PLEKHM3: variants seen among roughly 807,000 people sequenced by gnomAD.
PLEKHM3 encodes pleckstrin homology domain containing M3.
In PLEKHM3, 45 loss-of-function variants were observed where a neutral mutation model predicts 81.8. That is an observed-to-expected ratio of 0.55 (90% CI 0.43 to 0.71). The LOEUF is 0.71. Among genes scored for constraint, PLEKHM3 ranks in the 30% least tolerant of loss-of-function variants. The pLI is 0.00. For missense variants in PLEKHM3, 788 were observed against 924.3 expected, an observed-to-expected ratio of 0.85 and a Z score of 1.91; for synonymous variants, 352 against 356.4, an observed-to-expected ratio of 0.99 and a Z score of 0.14.
chr2:207,964,997 G>T (rs762000998), intron 3 of PLEKHM3, among the ~76,000 whole-genome samples: 108 of 152,138 alleles, frequency 7.1e-4, no homozygotes, highest in Admixed American at 1.1e-3. Flanking sequence ...TCCTTACCTA[G>T]TGGATATATT....
chr2:207,941,102 A>G (rs1689925709), intron 4 of PLEKHM3, among the ~76,000 whole-genome samples: 1 of 152,218 alleles, frequency 6.6e-6, no homozygotes, highest in South Asian at 2.1e-4. Context: ...ATATTAGAAA[A>G]GGACATAAGC....
chr2:207,943,830 T>C (rs1690027016), intron 4 of PLEKHM3, among the ~76,000 whole-genome samples: 1 of 125,040 alleles, frequency 8.0e-6, no homozygotes, highest in Non-Finnish European at 1.6e-5. Flanking sequence ...ATCCCGCCAC[T>C]GCACTCCAGC....
At chr2:208,009,050 C>T (rs771658232) in intron 1 of PLEKHM3, among the ~76,000 whole-genome samples, 2 of 152,168 alleles carry the variant, frequency 1.3e-5, no homozygotes, top group Admixed American at 6.5e-5. Context: ...TAAGTATTTG[C>T]TGAGTGCCTA....
At chr2:207,837,931 C>T (rs1388551412) in intron 7 of PLEKHM3, among the ~76,000 whole-genome samples, 6 of 150,820 alleles carry the variant, frequency 4.0e-5, no homozygotes, top group Non-Finnish European at 7.4e-5. Context: ...CCACCACGCC[C>T]GGCTAATTTT....
At chr2:207,977,627 T>C in intron 2 of PLEKHM3, 41 bp from the exon 3 acceptor site, 1 of 1,520,882 alleles carries the variant, frequency 6.6e-7, no homozygotes, top group Non-Finnish European at 8.9e-7. Flanking sequence ...TTAGAATTAG[T>C]TATAAGAAGG....
chr2:207,859,565 A>G (rs1298326794), intron 7 of PLEKHM3, among the ~76,000 whole-genome samples: 1 of 151,536 alleles, frequency 6.6e-6, no homozygotes, highest in Non-Finnish European at 1.5e-5. Context: ...TGCTGCTGCT[A>G]TGAACATTTG....
chr2:207,927,584 C>CTTTG (rs1689443309), intron 5 of PLEKHM3, among the ~76,000 whole-genome samples: 1 of 148,302 alleles, frequency 6.7e-6, no homozygotes, highest in African/African-American at 2.5e-5. Context: ...AATCCCAGCA[C>CTTTG]TTTGGGAGGC....
At chr2:207,978,697 A>C (rs1366095945) in intron 2 of PLEKHM3, among the ~76,000 whole-genome samples, 1 of 152,026 alleles carries the variant, frequency 6.6e-6, no homozygotes, top group African/African-American at 2.4e-5. Context: ...CTGAGCTTGC[A>C]ATGCTCCTTC....
At chr2:207,987,886 C>T (rs1691779527) in intron 2 of PLEKHM3, among the ~76,000 whole-genome samples, 1 of 152,166 alleles carries the variant, frequency 6.6e-6, no homozygotes, top group African/African-American at 2.4e-5. Flanking sequence ...TCTCAAGATC[C>T]TGTGGTCAGT....
chr2:207,942,774 C>CCACCA (rs1345198019), intron 4 of PLEKHM3, among the ~76,000 whole-genome samples: 1 of 152,116 alleles, frequency 6.6e-6, no homozygotes, highest in South Asian at 2.1e-4. Context: ...GTGGCATGTG[C>CCACCA]CTGTAGTTCC....
At chr2:207,979,407 G>A (rs1175731991) in intron 2 of PLEKHM3, among the ~76,000 whole-genome samples, 6 of 152,042 alleles carry the variant, frequency 3.9e-5, no homozygotes, top group African/African-American at 9.7e-5. Context: ...GGTGGCATGC[G>A]CCTGTAATCC....
At chr2:207,941,136 T>C (rs1574426704) in intron 4 of PLEKHM3, among the ~76,000 whole-genome samples, 1 of 152,314 alleles carries the variant, frequency 6.6e-6, no homozygotes, top group Non-Finnish European at 1.5e-5. Context: ...ACAATTTTCA[T>C]GTTTATTTTA....
At chr2:208,010,014 T>C (rs977412636) in intron 1 of PLEKHM3, among the ~76,000 whole-genome samples, 8 of 152,198 alleles carry the variant, frequency 5.3e-5, no homozygotes, top group African/African-American at 1.9e-4. Context: ...AGACCTTTTA[T>C]AGAAACCAAA....
chr2:207,923,985 T>C (rs959534763), intron 5 of PLEKHM3, among the ~76,000 whole-genome samples: 1 of 144,184 alleles, frequency 6.9e-6, no homozygotes, highest in Non-Finnish European at 1.5e-5. Flanking sequence ...CTGAGCTCAT[T>C]GCAACCTCCG....
At chr2:207,997,871 A>G (rs917044257) in intron 2 of PLEKHM3, among the ~76,000 whole-genome samples, 3 of 152,192 alleles carry the variant, frequency 2.0e-5, no homozygotes, top group African/African-American at 7.2e-5. Flanking sequence ...CATATTCCTC[A>G]GGAGAAACAA....
chr2:207,946,289 C>T, intron 4 of PLEKHM3, 78 bp downstream of exon 4: 1 of 1,487,776 alleles, frequency 6.7e-7, no homozygotes, highest in South Asian at 1.3e-5. Flanking sequence ...ATTGTTTGAT[C>T]ACCATCTTTA....
intron 5 of PLEKHM3, among the ~76,000 whole-genome samples, chr2:207,923,874 C>T (rs1386615021): frequency 1.8e-4 from 7 of 38,808 alleles, no homozygotes; most frequent in Non-Finnish European, 3.5e-4. Context: ...CACACACACA[C>T]ACACACATAT....
intron 6 of PLEKHM3, among the ~76,000 whole-genome samples, chr2:207,869,618 T>C (rs2092521880): frequency 6.6e-6 from 1 of 152,228 alleles, no homozygotes; most frequent in Non-Finnish European, 1.5e-5. Flanking sequence ...GGTCACTTTA[T>C]TGCCCTGTAA....
rs768089337 is a variant in PLEKHM3, at chr2:207,839,868, C to T, written c.2109-11372G>A. 1.5e-3 allele frequency among the ~76,000 whole-genome samples: 232 copies of T among 152,192 alleles called. 1 individual carries two copies. Among genetic ancestry groups the T allele is most frequent in the Non-Finnish European group, 2.4e-3 (160 of 68,008 alleles). On this transcript the variant is annotated intron_variant, in intron 7 of 7. Transcript: ENST00000427836. ...CTTGAGACTGGGAGGTCAAGGCTGC[C>T]GTGAGCCGTGATGGTGCCACTACAT...
Sources: gnomAD v4.1 joint callset for allele counts (sites outside exome capture counted in the v4.1 genomes callset) on GRCh38, gnomAD v4.1.1 for gene constraint, MANE v1.5 for transcripts, NCBI Gene and HGNC (gene_info 2026-07-23, HGNC 2026-07-21) for gene names.